RNASET2: variants seen among roughly 807,000 people sequenced by gnomAD.
RNASET2 encodes the protein ribonuclease T2.
A neutral mutation model predicts 33.9 loss-of-function variants in RNASET2; 28 were observed. That is an observed-to-expected ratio of 0.83 (90% confidence interval 0.61 to 1.13). The LOEUF is 1.13. Ranked by LOEUF, RNASET2 falls within the 50% of genes most tolerant of loss-of-function variation. The probability of loss-of-function intolerance (pLI) is 0.00; values close to 1 mark genes in which losing one functional copy is unlikely to be tolerated. For synonymous variants in RNASET2, 123 were observed against 121.0 expected, an observed-to-expected ratio of 1.02 and a Z score of -0.11; for missense variants, 330 against 319.9, an observed-to-expected ratio of 1.03 and a Z score of -0.24.
intron 7 of RNASET2, chr6:166,931,754 G>A (rs569419306): frequency 1.6e-4 from 25 of 158,204 alleles, no homozygotes; most frequent in Admixed American, 4.9e-4. Flanking sequence ...TCTCAGCCTC[G>A]TACTCTGGCT....
At position 166,933,848 on chromosome 6, in the gene RNASET2, C is replaced by T. The variant is rs41269595; in HGVS notation, c.492+243G>A. On this transcript the variant is annotated intron_variant, in intron 7 of 8. Transcript: ENST00000508775. This position sits in a 1 kb window ranked among gnomAD's most constrained non-coding sequence, Gnocchi z 4.1. Reference sequence around the variant, plus strand: ...CTGCTCTGCCGGACCCTGGAGCACACACTTCTCACAAAGGGAGCCATGAAA... The same window carrying T: ...CTGCTCTGCCGGACCCTGGAGCACATACTTCTCACAAAGGGAGCCATGAAA... The T allele has an allele frequency of 8.6e-3, 4,978 of 579,924 alleles. 36 individuals are homozygous for T. Among genetic ancestry groups the T allele is most frequent in the Non-Finnish European group, 0.012 (3,929 of 325,820 alleles). The allele number at this position is 579,924 out of a possible 1,614,324, so 35.9% of individuals were successfully genotyped here. A position where few individuals can be genotyped will look rare whatever the true frequency, so the allele number is the denominator to read the frequency against.
rs1404315757 is a variant in RNASET2, at chr6:166,924,474, A to G, written c.*5114T>C. Among the ~76,000 whole-genome samples, 1 of 152,224 alleles carries G rather than the reference A, an allele frequency of 6.6e-6. No homozygotes were observed. Among genetic ancestry groups the G allele is most frequent in the African/African-American group, 2.4e-5 (1 of 41,460 alleles). On this transcript the variant is annotated 3_prime_UTR_variant, in exon 9 of 9. Coordinates refer to ENST00000508775, the MANE Select transcript of RNASET2 (RefSeq NM_003730.6). ...CTTAGAGCTGATGTGCCTCAGACAC[A>G]GGTGCACTCATGGAGCACAGAAGCG... is the stretch of plus-strand genomic sequence containing the variant.
At chr6:166,941,211 A>G (rs1778683710) in intron 5 of RNASET2, among the ~76,000 whole-genome samples, 1 of 152,366 alleles carries the variant, frequency 6.6e-6, no homozygotes, top group African/African-American at 2.4e-5. Context: ...CTGAAAATTT[A>G]AAGTAAGTCA....
At chr6:166,955,700 C>T in intron 1 of RNASET2, 2 of 1,091,820 alleles carry the variant, frequency 1.8e-6, no homozygotes, top group Non-Finnish European at 2.2e-6. Context: ...CTACTCCTTC[C>T]CAGGGGTCAC....
intron 6 of RNASET2, among the ~76,000 whole-genome samples, chr6:166,936,563 TCAC>T: frequency 6.6e-6 from 1 of 152,040 alleles, no homozygotes; most frequent in Admixed American, 6.5e-5. Flanking sequence ...TGTACAGAGA[TCAC>T]ATGGCCAGAG....
chr6:166,955,886 A>C, intron 1 of RNASET2: 1 of 642,656 alleles, frequency 1.6e-6, no homozygotes, highest in Non-Finnish European at 1.9e-6. Flanking sequence ...GCTCCCCCCA[A>C]CCCACTCCCT....
intron 8 of RNASET2, 54 bp downstream of exon 8, chr6:166,930,990 A>G: frequency 8.0e-7 from 1 of 1,253,532 alleles, no homozygotes; most frequent in Non-Finnish European, 1.2e-6. Flanking sequence ...GCCATCAGAA[A>G]AGTAGAACCT....
chr6:166,955,330 C>G (rs1477142868), intron 1 of RNASET2, among the ~76,000 whole-genome samples: 130 of 88,322 alleles, frequency 1.5e-3, no homozygotes, highest in Non-Finnish European at 1.6e-3. Context: ...CACACACGCA[C>G]GCACGCACAC....
rs61635852 is a variant in RNASET2 at position 166,942,058 on chromosome 6, C to CTTTTTTTTTTTTTT, written c.332+960_332+961insAAAAAAAAAAAAAA. ...AGATCATCATTTTAGAAGACATCTT[C>CTTTTTTTTTTTTTT]TTTTTTTTTTTTGAGATGGAATCTT... On this transcript the variant is annotated intron_variant, in intron 5 of 8. Transcript: ENST00000508775. Among the ~76,000 whole-genome samples, 126 of 127,168 alleles carry CTTTTTTTTTTTTTT rather than the reference C, an allele frequency of 9.9e-4. 5 individuals are homozygous for CTTTTTTTTTTTTTT. The highest frequency in any genetic ancestry group is 3.5e-3 in the East Asian group (15 of 4,264). The allele number at this position is 127,168 out of a possible 152,430, so 83.4% of individuals were successfully genotyped here. A position where few individuals can be genotyped will look rare whatever the true frequency, so the allele number is the denominator to read the frequency against.
intron 4 of RNASET2, among the ~76,000 whole-genome samples, chr6:166,944,539 T>C (rs1778781157): frequency 7.1e-6 from 1 of 140,310 alleles, no homozygotes; most frequent in Admixed American, 7.8e-5. Context: ...CGAGATGTCC[T>C]AGGGCACGAT....
chr6:166,934,038 A>C, intron 7 of RNASET2, 53 bp downstream of exon 7: 8 of 1,379,450 alleles, frequency 5.8e-6, no homozygotes, highest in Non-Finnish European at 7.2e-6. Context: ...AAACGGCCCT[A>C]CTGGAGGTCC....
At chr6:166,936,810 G>T (rs1778581038) in intron 6 of RNASET2, among the ~76,000 whole-genome samples, 1 of 152,240 alleles carries the variant, frequency 6.6e-6, no homozygotes, top group Non-Finnish European at 1.5e-5. Context: ...GAGTTTCAAC[G>T]AGTGTAAGTA....
intron 3 of RNASET2, chr6:166,948,290 G>A (rs960929245): frequency 1.1e-5 from 5 of 465,872 alleles, no homozygotes; most frequent in African/African-American, 8.0e-5. Context: ...AGGTTGCAGT[G>A]AGCCAAGATC....
chr6:166,938,799 T>G, intron 6 of RNASET2, 96 bp downstream of exon 6: 1 of 842,562 alleles, frequency 1.2e-6, no homozygotes, highest in South Asian at 1.3e-5. Context: ...TGGAGGGCAG[T>G]GAGGTCTACA....
At chr6:166,940,070 G>A (rs777241523) in intron 5 of RNASET2, among the ~76,000 whole-genome samples, 6 of 152,202 alleles carry the variant, frequency 3.9e-5, no homozygotes, top group Admixed American at 2.0e-4. Context: ...CAAGGTCAGC[G>A]CCCTTCCCAC....
chr6:166,930,522 TCA>T (rs927580577), intron 8 of RNASET2, among the ~76,000 whole-genome samples: 3 of 136,432 alleles, frequency 2.2e-5, no homozygotes, highest in African/African-American at 8.5e-5. Context: ...ATGCACACAT[TCA>T]CACATGCACA....
chr6:166,930,482 C>T (rs572852016), intron 8 of RNASET2, among the ~76,000 whole-genome samples: 28 of 149,914 alleles, frequency 1.9e-4, no homozygotes, highest in East Asian at 4.0e-4. Flanking sequence ...CACACACACA[C>T]GCACATGCCC....
At position 166,929,156 on chromosome 6, in the gene RNASET2, A is replaced by T. The variant is rs1172877576; in HGVS notation, c.*432T>A. On this transcript the variant is annotated 3_prime_UTR_variant, in exon 9 of 9. Transcript: ENST00000508775. ...CCAGTCTGAGCTAGAGACACCCCCC[A>T]GGCCCACCAGGCATCAGCGTGGGCT... Among the ~76,000 whole-genome samples, 2 of 152,200 alleles carry T rather than the reference A, an allele frequency of 1.3e-5. No individual in the cohort carries two copies. The highest frequency in any genetic ancestry group is 2.9e-5 in the Non-Finnish European group (2 of 68,020).
intron 1 of RNASET2, chr6:166,955,409 G>GCA (rs748595910): frequency 1.5e-6 from 1 of 668,350 alleles, no homozygotes; most frequent in Non-Finnish European, 1.8e-6. Flanking sequence ...ACACACACAC[G>GCA]CGCACACACA....
Sources: allele counts gnomAD v4.1 joint callset (sites outside exome capture counted in the v4.1 genomes callset), GRCh38; gene constraint gnomAD v4.1.1; non-coding constraint Gnocchi (gnomAD v3.1); transcripts MANE v1.5; gene names NCBI Gene and HGNC (gene_info 2026-07-23, HGNC 2026-07-21).